MICAL3: variants seen among roughly 807,000 people sequenced by gnomAD.
MICAL3 encodes the protein [F-actin]-monooxygenase MICAL3.
Under a neutral mutation model 207.4 loss-of-function variants are expected in MICAL3, and 62 were observed. That is an observed-to-expected ratio of 0.30 (90% CI 0.24 to 0.37). MICAL3 has a LOEUF of 0.37. MICAL3 is among the 10% of genes least tolerant of loss of function. The pLI, the probability that MICAL3 is intolerant of heterozygous loss-of-function variation, is 1.00. For missense variants in MICAL3, 2,368 were observed against 2,635.6 expected (o/e 0.90, Z 2.22); for synonymous variants, 1,077 against 1,069.3 (o/e 1.01, Z -0.14).
rs1569156771 is a variant in MICAL3 at position 17,982,721 on chromosome 22, T to TAACATAACATAACATAACA, written c.-75+41559_-75+41560insTGTTATGTTATGTTATGTT. On this transcript the variant is annotated intron_variant, in intron 1 of 31. Transcript: ENST00000441493. ...ATAACATAACATAACATAACAAACA[T>TAACATAACATAACATAACA]AACATAACATAAAAATAAAATAAAA... 1.8e-3 allele frequency among the ~76,000 whole-genome samples: 221 copies of TAACATAACATAACATAACA among 125,478 alleles called. 1 individual carries two copies. The highest frequency in any genetic ancestry group is 5.8e-3 in the African/African-American group (191 of 32,910). The allele number at this position is 125,478 out of a possible 152,430, so 82.3% of individuals were successfully genotyped here.
At chr22:17,890,629 C>A (rs1414432944) in intron 12 of MICAL3, among the ~76,000 whole-genome samples, 1 of 152,230 alleles carries the variant, frequency 6.6e-6, no homozygotes, top group Non-Finnish European at 1.5e-5. Context: ...TTTTTACCAG[C>A]TCTTGCCTTG....
intron 1 of MICAL3, among the ~76,000 whole-genome samples, chr22:17,977,126 C>T (rs912390927): frequency 6.6e-6 from 1 of 152,126 alleles, no homozygotes; most frequent in East Asian, 1.9e-4. Flanking sequence ...ATAGAAACAT[C>T]TGAAAGCACA....
In MICAL3 at chr22:17,904,701, G is replaced by A; in HGVS notation, c.403C>T (p.His135Tyr). ...NVLHLWPFTI[H>Y]DLRGLGAKKF... ...TTGGCACCCAGACCTCGTAGATCAT[G>A]TATGGTGAATGGCCAGAGATGCAAG... The change falls in exon 3 of 32, where the codon CAT becomes TAT. Residue 135 changes from histidine (H) to tyrosine (Y), a missense_variant. Transcript: ENST00000441493. 3 of 1,614,122 alleles carry A rather than the reference G, an allele frequency of 1.9e-6. No homozygotes were observed. The South Asian group carries it at 3.3e-5, about 18-fold the overall frequency.
chr22:17,993,641 G>A (rs1271215462), intron 1 of MICAL3, among the ~76,000 whole-genome samples: 2 of 151,874 alleles, frequency 1.3e-5, no homozygotes, highest in Non-Finnish European at 2.9e-5. Context: ...GTGCCCCCCG[G>A]GAAGCCCCCC....
rs550176908 is a variant in MICAL3 at position 17,969,261 on chromosome 22, G to C, written c.-75+55020C>G. 5.3e-5 allele frequency among the ~76,000 whole-genome samples: 8 copies of C among 152,304 alleles called. No homozygotes were observed. The South Asian group carries it at 1.4e-3, about 28-fold the overall frequency. Reference sequence around the variant, plus strand: ...TCACTATATTGGCCAGGCTGGTCTTGAACTCCTGACCTCGTGATCCACCTG... The same window carrying C: ...TCACTATATTGGCCAGGCTGGTCTTCAACTCCTGACCTCGTGATCCACCTG... On this transcript the variant is annotated intron_variant, in intron 1 of 31. Coordinates refer to ENST00000441493, the MANE Select transcript of MICAL3 (RefSeq NM_015241.3).
chr22:17,881,697 G>C (rs1472359498), intron 16 of MICAL3, among the ~76,000 whole-genome samples: 2 of 152,318 alleles, frequency 1.3e-5, no homozygotes, highest in Non-Finnish European at 2.9e-5. Context: ...CCAATGAAGC[G>C]AAGCAGCAGC....
Position 17,899,532 on chromosome 22 carries a change from G to A in MICAL3, c.864C>T (p.Asn288=), listed in dbSNP as rs1200218045. 2.5e-6 allele frequency: 4 copies of A among 1,602,290 alleles called. No homozygotes were observed. The highest frequency in any genetic ancestry group is 2.2e-5 in the East Asian group (1 of 44,684). Residue 288 remains asparagine (N), a synonymous_variant, in exon 7 of 32, where the codon AAC becomes AAT. Transcript: ENST00000441493. ...LREATGIDLE[N]IVYYKDDTHY... ...GTGTGTCATCTTTGTAGTAAACGAT[G>A]TTCTCCAAGTCAATACCTGGGGCCA... is the stretch of plus-strand genomic sequence containing the variant.
In MICAL3 at chr22:17,902,085, A is replaced by G; in HGVS notation, c.590-106T>C. ...GTGAACTGCACAAAACCCTGGGCCA[A>G]AAACACTATGTGTAGAAGCAGTGGA... is the stretch of plus-strand genomic sequence containing the variant. On this transcript the variant is annotated intron_variant, in intron 4 of 31. Coordinates refer to ENST00000441493, the MANE Select transcript of MICAL3 (RefSeq NM_015241.3). This position sits in a 1 kb window ranked among gnomAD's most constrained non-coding sequence, Gnocchi z 4.5. 1.3e-6 allele frequency: 1 copy of G among 752,716 alleles called. No individual in the cohort carries two copies. The highest frequency in any genetic ancestry group is 2.2e-6 in the Non-Finnish European group (1 of 453,250). The allele number at this position is 752,716 out of a possible 1,614,324, so 46.6% of individuals were successfully genotyped here. A position where few individuals can be genotyped will look rare whatever the true frequency, so the allele number is the denominator to read the frequency against.
At position 17,901,977 on chromosome 22, in the gene MICAL3, T is replaced by C. The variant is rs749610691; in HGVS notation, c.592A>G (p.Ile198Val). Residue 198 changes from isoleucine (I) to valine (V), a missense_variant and splice_region_variant, in exon 5 of 32, where the codon ATA becomes GTA. By Grantham distance (29) the Ile-to-Val change is conservative. Transcript: ENST00000441493. ...QPPEDQENER[I>V]GWRALVHPKT... The stretch of plus-strand genomic sequence containing the variant: ...GGGTGCACCAGTGCCCGCCAGCCTA[T>C]CCCTGTGAACCAAAACCAAATAAAT... 6.2e-7 allele frequency: 1 copy of C among 1,612,232 alleles called. No homozygotes were observed. Among genetic ancestry groups the C allele is most frequent in the East Asian group, 2.2e-5 (1 of 44,848 alleles).
chr22:17,856,565 C>CA (rs1702529516), intron 19 of MICAL3, among the ~76,000 whole-genome samples: 1 of 150,410 alleles, frequency 6.6e-6, no homozygotes, highest in Non-Finnish European at 1.5e-5. Flanking sequence ...GCAGCTGGTT[C>CA]AGAGTAATTC....
intron 17 of MICAL3, among the ~76,000 whole-genome samples, chr22:17,870,227 C>T (rs1927571687): frequency 6.6e-6 from 1 of 152,170 alleles, no homozygotes; most frequent in African/African-American, 2.4e-5. Context: ...CCCGATCTCC[C>T]ACCAGGTGCG....
intron 1 of MICAL3, among the ~76,000 whole-genome samples, chr22:18,023,334 C>G (rs574602107): frequency 1.1e-4 from 17 of 152,290 alleles, no homozygotes; most frequent in Non-Finnish European, 1.8e-4. Flanking sequence ...AGCAGGATTT[C>G]TAAAAATCTC....
chr22:17,914,295 G>A (rs1210140118), intron 1 of MICAL3, among the ~76,000 whole-genome samples: 1 of 152,186 alleles, frequency 6.6e-6, no homozygotes, highest in Non-Finnish European at 1.5e-5. Context: ...AAAGGAGTAA[G>A]ATCTGTGTAA....
rs1280515938 is a variant in MICAL3 at position 17,788,759 on chromosome 22, A to T, written c.*1973T>A. 6.6e-6 allele frequency: 1 copy of T among 152,380 alleles called. No individual in the cohort carries two copies. Among genetic ancestry groups the T allele is most frequent in the Non-Finnish European group, 1.5e-5 (1 of 68,130 alleles). The allele number at this position is 152,380 out of a possible 1,614,324, so 9.4% of individuals were successfully genotyped here. A position where few individuals can be genotyped will look rare whatever the true frequency, so the allele number is the denominator to read the frequency against. On this transcript the variant is annotated 3_prime_UTR_variant, in exon 32 of 32. Transcript: ENST00000441493. Reference sequence around the variant, plus strand: ...ATGGGAGAGAGATGGCAGCTTCTGGACAGACAAGGATGACACAGGTTCTTT... The same window carrying T: ...ATGGGAGAGAGATGGCAGCTTCTGGTCAGACAAGGATGACACAGGTTCTTT...
intron 19 of MICAL3, among the ~76,000 whole-genome samples, chr22:17,854,993 C>T (rs187390663): frequency 6.6e-6 from 1 of 152,298 alleles, no homozygotes; most frequent in Admixed American, 6.5e-5. Flanking sequence ...CCTCTTTTTC[C>T]CCATTTTCCA....
At chr22:17,852,113 C>T (rs998664107) in intron 19 of MICAL3, among the ~76,000 whole-genome samples, 3 of 152,192 alleles carry the variant, frequency 2.0e-5, no homozygotes, top group East Asian at 3.8e-4. Context: ...CAGGCAGGCT[C>T]GGTCTACATC....
In MICAL3 at chr22:17,901,053, C is replaced by T; in HGVS notation, c.692-56G>A. 9 of 1,568,672 alleles carry T rather than the reference C, an allele frequency of 5.7e-6. No individual in the cohort carries two copies. The South Asian group carries it at 7.8e-5, about 14-fold the overall frequency. On this transcript the variant is annotated intron_variant, in intron 5 of 31. Coordinates refer to ENST00000441493, the MANE Select transcript of MICAL3 (RefSeq NM_015241.3). ...ATCATTGGCTAGAGAAGGAAGATCA[C>T]TTCAGATAAAGTGGGGGTGCTGATA... is the stretch of plus-strand genomic sequence containing the variant.
intron 19 of MICAL3, among the ~76,000 whole-genome samples, chr22:17,848,809 C>A (rs532581900): frequency 1.3e-5 from 2 of 152,342 alleles, no homozygotes; most frequent in East Asian, 3.9e-4. Context: ...TGCACTTATT[C>A]TCAGGCACCT....
intron 27 of MICAL3, chr22:17,812,513 T>C: frequency 1.0e-6 from 1 of 985,882 alleles, no homozygotes; most frequent in Non-Finnish European, 1.2e-6. Flanking sequence ...CTACCTTTGA[T>C]GCACATGATC....
Sources: allele counts gnomAD v4.1 joint callset (sites outside exome capture counted in the v4.1 genomes callset), GRCh38; gene constraint gnomAD v4.1.1; non-coding constraint Gnocchi (gnomAD v3.1); transcripts MANE v1.5; gene names NCBI Gene and HGNC (gene_info 2026-07-23, HGNC 2026-07-21).